The following ADCY8 variants were observed in gnomAD, a reference collection of about 807,000 sequenced individuals.
ADCY8 encodes the protein adenylate cyclase 8.
Under a neutral mutation model 119.7 loss-of-function variants are expected in ADCY8, and 51 were observed. The ratio of observed to expected loss-of-function variants is 0.43; its 90% CI spans 0.34 to 0.54. ADCY8 has a LOEUF of 0.54. Ranked by LOEUF, ADCY8 falls within the 20% of genes least tolerant of loss-of-function variation. The pLI is 0.03. For missense variants in ADCY8, 1,383 were observed against 1,598.8 expected, an observed-to-expected ratio of 0.87 and a Z score of 2.30; for synonymous variants, 665 against 651.0, an observed-to-expected ratio of 1.02 and a Z score of -0.33.
chr8:130,846,647 C>A (rs1157313060), intron 11 of ADCY8, among the ~76,000 whole-genome samples: 5 of 139,122 alleles, frequency 3.6e-5, no homozygotes, highest in African/African-American at 1.4e-4. Flanking sequence ...TCCTTCCCTC[C>A]TTCCTTCCCC....
intron 5 of ADCY8, among the ~76,000 whole-genome samples, chr8:130,933,508 A>G (rs367844762): frequency 1.2e-4 from 19 of 152,356 alleles, no homozygotes; most frequent in Middle Eastern, 3.4e-3. Flanking sequence ...GGTTTATCTA[A>G]TTCCAGGGCT....
Position 130,780,790 on chromosome 8 carries a change from C to T in ADCY8, c.3356G>A (p.Ser1119Asn). ...DIWGKTVNLA[S>N]RMDSTGVSGR... is the part of the protein sequence containing the mutation. ...ACTAACCCCCGTGCTGTCCATTCGG[C>T]TTGCCAGGTTCACAGTTTTGCCCCA... Residue 1119 changes from serine (S) to asparagine (N), a missense_variant, in exon 18 of 18, where the codon AGC becomes AAC. Ser to Asn is a conservative substitution (Grantham distance 46, BLOSUM62 1). Coordinates refer to ENST00000286355, the MANE Select transcript of ADCY8 (RefSeq NM_001115.3). The T allele has an allele frequency of 6.2e-7, 1 of 1,614,214 alleles. No individual in the cohort carries two copies. The highest frequency in any genetic ancestry group is 8.5e-7 in the Non-Finnish European group (1 of 1,180,026).
At chr8:130,791,024 G>T (rs1815407907) in intron 15 of ADCY8, among the ~76,000 whole-genome samples, 1 of 152,224 alleles carries the variant, frequency 6.6e-6, no homozygotes, top group South Asian at 2.1e-4. Context: ...CCAACGGCTA[G>T]AACATGGTTC....
intron 9 of ADCY8, among the ~76,000 whole-genome samples, chr8:130,864,773 C>A (rs566603573): frequency 6.6e-6 from 1 of 152,086 alleles, no homozygotes; most frequent in East Asian, 1.9e-4. Flanking sequence ...TTGCACATTG[C>A]CTACTTCTAT....
At chr8:130,913,413 A>G (rs1163839543) in intron 5 of ADCY8, among the ~76,000 whole-genome samples, 1 of 152,044 alleles carries the variant, frequency 6.6e-6, no homozygotes, top group Non-Finnish European at 1.5e-5. Context: ...TTTGATTTTT[A>G]GATTCTGCAA....
At chr8:130,894,849 T>A (rs1819328413) in intron 7 of ADCY8, among the ~76,000 whole-genome samples, 1 of 152,148 alleles carries the variant, frequency 6.6e-6, no homozygotes, top group African/African-American at 2.4e-5. Context: ...CATATAAAAT[T>A]ACTTGAAAAA....
At chr8:131,023,537 T>A (rs1823738567) in intron 1 of ADCY8, among the ~76,000 whole-genome samples, 1 of 152,162 alleles carries the variant, frequency 6.6e-6, no homozygotes, top group Admixed American at 6.5e-5. Flanking sequence ...TTTCATAAGT[T>A]TTATATTTTA....
intron 9 of ADCY8, among the ~76,000 whole-genome samples, chr8:130,853,577 GTTTT>G (rs5742176): frequency 2.7e-5 from 4 of 147,646 alleles, no homozygotes; most frequent in African/African-American, 7.6e-5. Flanking sequence ...TAAAATTGAT[GTTTT>G]TTTTTTTTTT....
chr8:130,805,590 G>A (rs911359234), intron 14 of ADCY8, among the ~76,000 whole-genome samples: 1 of 152,202 alleles, frequency 6.6e-6, no homozygotes, highest in Non-Finnish European at 1.5e-5. Context: ...TCCATAAGAT[G>A]CTAACTGATG....
intron 1 of ADCY8, among the ~76,000 whole-genome samples, chr8:131,013,821 C>A (rs938323598): frequency 6.6e-6 from 1 of 152,168 alleles, no homozygotes; most frequent in African/African-American, 2.4e-5. Flanking sequence ...TGATAAAGTA[C>A]AGTATGCACC....
chr8:130,904,064 C>T, intron 6 of ADCY8, 22 bp from the exon 7 acceptor site: 1 of 1,599,754 alleles, frequency 6.3e-7, no homozygotes, highest in Non-Finnish European at 8.5e-7. Flanking sequence ...AGGCATAGGT[C>T]ATTACACACT....
intron 11 of ADCY8, among the ~76,000 whole-genome samples, chr8:130,846,676 C>T (rs567441873): frequency 1.2e-3 from 164 of 138,124 alleles, no homozygotes; most frequent in African/African-American, 4.1e-3. Flanking sequence ...TTCTTTCTTT[C>T]CTTCCCCTTC....
At chr8:130,968,164 A>G (rs555834674) in intron 2 of ADCY8, among the ~76,000 whole-genome samples, 1 of 151,368 alleles carries the variant, frequency 6.6e-6, no homozygotes, top group South Asian at 2.1e-4. Context: ...AATGACTAAA[A>G]GTTATTCTGC....
At chr8:130,905,909 G>C (rs1819768650) in intron 6 of ADCY8, among the ~76,000 whole-genome samples, 1 of 152,128 alleles carries the variant, frequency 6.6e-6, no homozygotes, top group Non-Finnish European at 1.5e-5. Context: ...TTTACTTTTA[G>C]TATTAGCTCT....
At chr8:131,006,978 A>G (rs1403879951) in intron 1 of ADCY8, among the ~76,000 whole-genome samples, 1 of 152,226 alleles carries the variant, frequency 6.6e-6, no homozygotes, top group Admixed American at 6.5e-5. Context: ...ATTATACCAA[A>G]GAAGAGAGGA....
chr8:130,896,919 A>G (rs1234202924), intron 7 of ADCY8, among the ~76,000 whole-genome samples: 2 of 152,050 alleles, frequency 1.3e-5, no homozygotes, highest in East Asian at 1.9e-4. Flanking sequence ...TGTCTGAGGT[A>G]GGGAAACTGA....
chr8:130,793,695 T>C (rs1303219910), intron 15 of ADCY8, among the ~76,000 whole-genome samples: 3 of 152,248 alleles, frequency 2.0e-5, no homozygotes, highest in African/African-American at 7.2e-5. Flanking sequence ...CACTGTCACA[T>C]GGACTTCATA....
chr8:130,939,784 G>A (rs990246585), intron 4 of ADCY8, among the ~76,000 whole-genome samples: 1 of 152,172 alleles, frequency 6.6e-6, no homozygotes, highest in African/African-American at 2.4e-5. Flanking sequence ...CTGACACCTG[G>A]AAGTAGCCTT....
chr8:131,010,018 A>T (rs1823250262), intron 1 of ADCY8, among the ~76,000 whole-genome samples: 1 of 152,224 alleles, frequency 6.6e-6, no homozygotes, highest in South Asian at 2.1e-4. Flanking sequence ...TCCTCATCCC[A>T]ATCCTGCAAA....
Sources: allele counts gnomAD v4.1 joint callset (sites outside exome capture counted in the v4.1 genomes callset), GRCh38; gene constraint gnomAD v4.1.1; transcripts MANE v1.5; gene names NCBI Gene and HGNC (gene_info 2026-07-23, HGNC 2026-07-21).